BNC2: variants seen among roughly 807,000 people sequenced by gnomAD.
BNC2 encodes zinc finger protein basonuclin-2.
A neutral mutation model predicts 76.3 loss-of-function variants in BNC2; 20 were observed. That is an observed-to-expected ratio of 0.26 (90% CI 0.18 to 0.38). The LOEUF is 0.38. BNC2 is among the 10% of genes least tolerant of loss of function. The pLI, the probability that BNC2 is intolerant of heterozygous loss-of-function variation, is 1.00. For missense variants in BNC2, 1,382 were observed against 1,399.8 expected (o/e 0.99, Z 0.20); for synonymous variants, 582 against 514.8 (o/e 1.13, Z -1.77).
intron 5 of BNC2, among the ~76,000 whole-genome samples, chr9:16,476,647 G>T (rs1821934850): frequency 1.3e-5 from 2 of 151,692 alleles, no homozygotes; most frequent in East Asian, 1.9e-4. Flanking sequence ...AGGGACCACG[G>T]GTTTATCTAG....
At chr9:16,517,701 G>T (rs61590865) in intron 5 of BNC2, among the ~76,000 whole-genome samples, 10,065 of 151,960 alleles carry the variant, frequency 0.066, 1,092 homozygotes, top group African/African-American at 0.23. Context: ...AAAGCTTAAA[G>T]GAGACAAAAA....
At chr9:16,797,304 T>A (rs1048426180) in intron 1 of BNC2, among the ~76,000 whole-genome samples, 3 of 152,164 alleles carry the variant, frequency 2.0e-5, no homozygotes, top group Non-Finnish European at 4.4e-5. Context: ...GATACCCAAC[T>A]TCTCCACTAT....
intron 3 of BNC2, among the ~76,000 whole-genome samples, chr9:16,639,924 TA>T (rs568581599): frequency 1.8e-4 from 27 of 146,990 alleles, no homozygotes; most frequent in South Asian, 2.2e-4. Flanking sequence ...CCTGTCTCAT[TA>T]AAAAAAAAAA....
intron 4 of BNC2, among the ~76,000 whole-genome samples, chr9:16,554,842 G>A (rs1301663462): frequency 1.3e-5 from 2 of 152,124 alleles, no homozygotes; most frequent in Non-Finnish European, 2.9e-5. Flanking sequence ...ATATGAAACT[G>A]ACAGGAGTCA....
intron 2 of BNC2, among the ~76,000 whole-genome samples, chr9:16,731,791 T>C (rs530858491): frequency 1.2e-3 from 177 of 152,334 alleles, no homozygotes; most frequent in African/African-American, 4.1e-3. Context: ...GCTCATGTTT[T>C]TGAGTAATCT....
intron 4 of BNC2, among the ~76,000 whole-genome samples, chr9:16,579,540 C>T (rs1239514713): frequency 2.0e-5 from 3 of 152,158 alleles, no homozygotes; most frequent in Non-Finnish European, 4.4e-5. Flanking sequence ...GTCTCAACCT[C>T]GCAAAGTGCT....
chr9:16,569,900 CA>C (rs2132825173), intron 4 of BNC2, among the ~76,000 whole-genome samples: 1 of 152,314 alleles, frequency 6.6e-6, no homozygotes, highest in South Asian at 2.1e-4. Flanking sequence ...GTTGGCTACA[CA>C]AACCCTGCTT....
chr9:16,604,973 A>T (rs1820342291), intron 3 of BNC2, among the ~76,000 whole-genome samples: 1 of 152,222 alleles, frequency 6.6e-6, no homozygotes, highest in African/African-American at 2.4e-5. Context: ...TGTACCAAAC[A>T]AATCCCTCCA....
intron 5 of BNC2, among the ~76,000 whole-genome samples, chr9:16,534,599 A>G (rs910626763): frequency 1.3e-5 from 2 of 152,166 alleles, no homozygotes; most frequent in African/African-American, 4.8e-5. Flanking sequence ...CTCCCCAAGT[A>G]TCTCTCTTTA....
At chr9:16,858,792 G>A (rs1014458301) in intron 1 of BNC2, among the ~76,000 whole-genome samples, 1 of 151,750 alleles carries the variant, frequency 6.6e-6, no homozygotes, top group Admixed American at 6.6e-5. Context: ...TTTGCAGTGA[G>A]CCAAGATTGC....
At chr9:16,601,496 G>C (rs1251817360) in intron 3 of BNC2, among the ~76,000 whole-genome samples, 1 of 152,194 alleles carries the variant, frequency 6.6e-6, no homozygotes. Flanking sequence ...CATTGCAAGA[G>C]AAGTAAGCAG....
intron 1 of BNC2, among the ~76,000 whole-genome samples, chr9:16,812,983 C>G (rs1448263729): frequency 1.3e-5 from 2 of 152,090 alleles, no homozygotes; most frequent in South Asian, 4.2e-4. Flanking sequence ...CCGAGGTGGG[C>G]GGATTACCTG....
At chr9:16,541,181 A>G (rs962380890) in intron 5 of BNC2, among the ~76,000 whole-genome samples, 2 of 152,250 alleles carry the variant, frequency 1.3e-5, no homozygotes, top group African/African-American at 4.8e-5. Context: ...TTTTCACCTA[A>G]GAGACCACAA....
chr9:16,564,590 C>T (rs754825471), intron 4 of BNC2, among the ~76,000 whole-genome samples: 4 of 152,124 alleles, frequency 2.6e-5, no homozygotes, highest in Non-Finnish European at 5.9e-5. Context: ...CTTTAAATTT[C>T]GCTCTGCCCA....
intron 4 of BNC2, among the ~76,000 whole-genome samples, chr9:16,553,596 C>G (rs777904150): frequency 6.6e-6 from 1 of 152,190 alleles, no homozygotes; most frequent in Admixed American, 6.5e-5. Context: ...TGGTGTATTT[C>G]AGCTAACTGT....
chr9:16,685,762 G>C, intron 3 of BNC2: 1 of 422,188 alleles, frequency 2.4e-6, no homozygotes, highest in Non-Finnish European at 4.7e-6. Context: ...TGACATGTAT[G>C]TGACACTTAG....
At chr9:16,597,738 C>T (rs1418643894) in intron 3 of BNC2, among the ~76,000 whole-genome samples, 1 of 152,068 alleles carries the variant, frequency 6.6e-6, no homozygotes, top group Non-Finnish European at 1.5e-5. Flanking sequence ...TATGTCATTT[C>T]CCCCATAATC....
At chr9:16,448,637 A>C (rs1821275924) in intron 5 of BNC2, among the ~76,000 whole-genome samples, 1 of 152,328 alleles carries the variant, frequency 6.6e-6, no homozygotes, top group Admixed American at 6.5e-5. Context: ...GTATTCCATA[A>C]AACAGTGAGG....
At chr9:16,552,210 G>A (rs2132532950) in intron 5 of BNC2, among the ~76,000 whole-genome samples, 1 of 152,240 alleles carries the variant, frequency 6.6e-6, no homozygotes, top group African/African-American at 2.4e-5. Context: ...GCCTCAAAGA[G>A]CCCTCCTTTT....
Sources: gnomAD v4.1 joint callset for allele counts (sites outside exome capture counted in the v4.1 genomes callset) on GRCh38, gnomAD v4.1.1 for gene constraint, MANE v1.5 for transcripts, NCBI Gene and HGNC (gene_info 2026-07-23, HGNC 2026-07-21) for gene names.